TMEM117: variants seen among roughly 807,000 people sequenced by gnomAD.
TMEM117 encodes transmembrane protein 117.
In TMEM117, 27 loss-of-function variants were observed where a neutral mutation model predicts 52.4. The observed-to-expected ratio is 0.51, with a 90% CI of 0.38 to 0.71. TMEM117 has a LOEUF of 0.71. TMEM117 is among the 30% of genes least tolerant of loss of function. The pLI, the probability that TMEM117 is intolerant of heterozygous loss-of-function variation, is 0.00. For synonymous variants in TMEM117, 215 were observed against 206.3 expected (o/e 1.04, Z -0.36); for missense variants, 556 against 630.5 (o/e 0.88, Z 1.26).
intron 2 of TMEM117, among the ~76,000 whole-genome samples, chr12:43,865,292 C>T (rs1943570920): frequency 6.6e-6 from 1 of 152,194 alleles, no homozygotes; most frequent in Admixed American, 6.5e-5. Flanking sequence ...TGGTAAAGTC[C>T]TTCTAACTTT....
chr12:44,191,061 G>C (rs1050158199), intron 4 of TMEM117, among the ~76,000 whole-genome samples: 1 of 151,744 alleles, frequency 6.6e-6, no homozygotes, highest in African/African-American at 2.4e-5. Context: ...ACAACTCAGC[G>C]TGACTAGGGA....
At chr12:43,842,009 A>G (rs761268388) in intron 1 of TMEM117, among the ~76,000 whole-genome samples, 1 of 152,122 alleles carries the variant, frequency 6.6e-6, no homozygotes, top group Non-Finnish European at 1.5e-5. Context: ...TCTAGTTCTG[A>G]TGGGCATATG....
At chr12:44,305,866 T>G (rs151254915) in intron 6 of TMEM117, among the ~76,000 whole-genome samples, 1 of 150,734 alleles carries the variant, frequency 6.6e-6, no homozygotes, top group African/African-American at 2.4e-5. Context: ...CATATGTTCA[T>G]CCAGCCTAGG....
At chr12:43,934,424 A>G (rs1944918948) in intron 2 of TMEM117, among the ~76,000 whole-genome samples, 2 of 152,148 alleles carry the variant, frequency 1.3e-5, no homozygotes, top group Admixed American at 6.5e-5. Context: ...TGGAAGGTTT[A>G]TTACTGTGTT....
At chr12:43,884,251 T>C (rs1435061087) in intron 2 of TMEM117, among the ~76,000 whole-genome samples, 2 of 152,030 alleles carry the variant, frequency 1.3e-5, no homozygotes, top group Admixed American at 6.6e-5. Context: ...TATGAAAATA[T>C]TGTCTTTGCT....
At chr12:43,943,698 T>C (rs1278292118) in intron 2 of TMEM117, among the ~76,000 whole-genome samples, 1 of 152,234 alleles carries the variant, frequency 6.6e-6, no homozygotes, top group Non-Finnish European at 1.5e-5. Flanking sequence ...CTGCATGTTT[T>C]ATAACAGAGA....
intron 5 of TMEM117, among the ~76,000 whole-genome samples, chr12:44,296,007 C>CAGCCTGCT (rs1950764357): frequency 6.6e-6 from 1 of 152,134 alleles, no homozygotes. Context: ...GTAGGGTTCC[C>CAGCCTGCT]AGCCTGCTAG....
chr12:44,145,196 G>GA (rs1162918661), intron 4 of TMEM117, among the ~76,000 whole-genome samples: 1 of 152,116 alleles, frequency 6.6e-6, no homozygotes, highest in Non-Finnish European at 1.5e-5. Context: ...TTTTCCATTG[G>GA]AAAAAGCTTT....
At chr12:43,872,944 G>T (rs1223203113) in intron 2 of TMEM117, among the ~76,000 whole-genome samples, 1 of 152,076 alleles carries the variant, frequency 6.6e-6, no homozygotes, top group Non-Finnish European at 1.5e-5. Flanking sequence ...TATAGCACTG[G>T]AAAATATCTT....
In TMEM117 at chr12:43,932,524, A is replaced by G. The variant is rs145486581; in HGVS notation, c.278-11686A>G. 6.1e-3 allele frequency among the ~76,000 whole-genome samples: 922 copies of G among 152,238 alleles called. 4 individuals carry two copies. The highest frequency in any genetic ancestry group is 9.5e-3 in the Non-Finnish European group (649 of 68,012). Reference sequence around the variant, plus strand: ...CTTGGCTTAAAAGAAATAATGATTGATAGATTTGTCCTAACTCACCTTAAA... The same window carrying G: ...CTTGGCTTAAAAGAAATAATGATTGGTAGATTTGTCCTAACTCACCTTAAA... On this transcript the variant is annotated intron_variant, in intron 2 of 7. Coordinates refer to ENST00000266534, the MANE Select transcript of TMEM117 (RefSeq NM_032256.3).
At chr12:44,083,814 C>A (rs1947523702) in intron 3 of TMEM117, 3 of 151,956 alleles carry the variant, frequency 2.0e-5, no homozygotes, top group Admixed American at 1.3e-4. Flanking sequence ...ATTTTTATTA[C>A]TATTACTTTT....
intron 5 of TMEM117, among the ~76,000 whole-genome samples, chr12:44,257,268 G>A (rs1039921977): frequency 7.2e-5 from 11 of 151,762 alleles, no homozygotes; most frequent in South Asian, 2.1e-4. Context: ...GAGCGGAGCC[G>A]TAGGCATCTG....
intron 3 of TMEM117, among the ~76,000 whole-genome samples, chr12:43,963,999 A>G (rs975108045): frequency 2.0e-5 from 3 of 152,180 alleles, no homozygotes; most frequent in Non-Finnish European, 2.9e-5. Flanking sequence ...AGGATAGGTT[A>G]GATTATGCCT....
At position 44,183,891 on chromosome 12, in the gene TMEM117, C is replaced by T. The variant is rs1195510913; in HGVS notation, c.511-27399C>T. On this transcript the variant is annotated intron_variant, in intron 4 of 7. Transcript: ENST00000266534. ...CACATTTCACACGCAGCAAGACCTT[C>T]CCAAGCCAAGGCCTAAAATCCACAT... is the stretch of plus-strand genomic sequence containing the variant. Among the ~76,000 whole-genome samples the T allele has an allele frequency of 2.0e-5, 3 of 152,168 alleles. No homozygotes were observed. The East Asian group carries it at 5.8e-4, about 29-fold the overall frequency.
chr12:44,261,125 A>C (rs1024919534), intron 5 of TMEM117, among the ~76,000 whole-genome samples: 1 of 130,906 alleles, frequency 7.6e-6, no homozygotes, highest in Non-Finnish European at 1.6e-5. Flanking sequence ...ACATTTTTTT[A>C]AAAAAATCAA....
the TMEM117 span, among the ~76,000 whole-genome samples, chr12:43,795,948 T>A: frequency 6.6e-6 from 1 of 152,192 alleles, no homozygotes; most frequent in Non-Finnish European, 1.5e-5. Flanking sequence ...ATCAGCTACA[T>A]TCACTTCCTT....
chr12:44,046,372 C>T (rs1490179964), intron 3 of TMEM117, among the ~76,000 whole-genome samples: 1 of 152,176 alleles, frequency 6.6e-6, no homozygotes, highest in Non-Finnish European at 1.5e-5. Context: ...CCTGGACTAT[C>T]AAGATGAAAT....
At chr12:44,357,014 A>C (rs1256947861) in intron 6 of TMEM117, among the ~76,000 whole-genome samples, 1 of 152,148 alleles carries the variant, frequency 6.6e-6, no homozygotes, top group Non-Finnish European at 1.5e-5. Context: ...TGGCTCCTTC[A>C]GCTTCATCCC....
intron 6 of TMEM117, among the ~76,000 whole-genome samples, chr12:44,344,873 G>A (rs1951464185): frequency 6.6e-6 from 1 of 152,042 alleles, no homozygotes; most frequent in African/African-American, 2.4e-5. Flanking sequence ...TGCCCAGTGA[G>A]TAGGATTGCA....
Sources: allele counts gnomAD v4.1 joint callset (sites outside exome capture counted in the v4.1 genomes callset), GRCh38; gene constraint gnomAD v4.1.1; transcripts MANE v1.5; gene names NCBI Gene and HGNC (gene_info 2026-07-23, HGNC 2026-07-21).